SPATA21: variants seen among roughly 807,000 people sequenced by gnomAD.
SPATA21 encodes spermatogenesis associated 21.
SPATA21 carries 47 observed loss-of-function variants against 54.8 expected under a neutral mutation model. The ratio of observed to expected loss-of-function variants is 0.86; its 90% CI spans 0.68 to 1.09. The LOEUF is 1.09. Ranked by LOEUF, SPATA21 falls within the 50% of genes least tolerant of loss-of-function variation. The probability of loss-of-function intolerance (pLI) is 0.00; values close to 1 mark genes in which losing one functional copy is unlikely to be tolerated. For missense variants in SPATA21, 599 were observed against 596.4 expected (o/e 1.00, Z -0.05); for synonymous variants, 245 against 235.3 (o/e 1.04, Z -0.38).
chr1:16,430,806 G>T (rs1449296434), intron 3 of SPATA21, among the ~76,000 whole-genome samples: 1 of 152,204 alleles, frequency 6.6e-6, no homozygotes, highest in Admixed American at 6.5e-5. Context: ...TTGGTTCAAG[G>T]ATGAGCATCT....
chr1:16,404,153 T>TTG, intron 8 of SPATA21, 114 bp from the exon 9 acceptor site: 1 of 835,266 alleles, frequency 1.2e-6, no homozygotes, highest in African/African-American at 1.7e-5. Context: ...AAGCAGTGCA[T>TTG]ACTCAATGCA....
intron 2 of SPATA21, among the ~76,000 whole-genome samples, chr1:16,432,275 C>T (rs2086479544): frequency 6.6e-6 from 1 of 152,024 alleles, no homozygotes; most frequent in Non-Finnish European, 1.5e-5. Flanking sequence ...GCGGCCGCCA[C>T]CATGCCCGGC....
Position 16,409,338 on chromosome 1 carries a change from C to T in SPATA21, c.588-135G>A. On this transcript the variant is annotated intron_variant, in intron 6 of 12. Coordinates refer to ENST00000335496, the MANE Select transcript of SPATA21 (RefSeq NM_198546.1). This position sits in a 1 kb window ranked among gnomAD's most constrained non-coding sequence, Gnocchi z 4.1. ...GGGAGCCCGGAGAGATCAAGAATGG[C>T]AGGAAAAAGGAGATCCAGAGGAGAA... is the stretch of plus-strand genomic sequence containing the variant. The T allele has an allele frequency of 1.0e-6, 1 of 967,896 alleles. No homozygotes were observed. The highest frequency in any genetic ancestry group is 1.5e-6 in the Non-Finnish European group (1 of 649,616). The allele number at this position is 967,896 out of a possible 1,614,324, so 60.0% of individuals were successfully genotyped here. A position where few individuals can be genotyped will look rare whatever the true frequency, so the allele number is the denominator to read the frequency against.
In SPATA21 at chr1:16,421,705, C is replaced by A; in HGVS notation, c.96-148G>T. The A allele has an allele frequency of 2.7e-6, 3 of 1,121,564 alleles. No individual in the cohort carries two copies. In the South Asian group the frequency reaches 4.3e-5, roughly 16 times the overall value. 69.5% of individuals were successfully genotyped at this position (1,121,564 alleles called of 1,614,324 possible). A position where few individuals can be genotyped will look rare whatever the true frequency, so the allele number is the denominator to read the frequency against. On this transcript the variant is annotated intron_variant, in intron 4 of 12. Transcript: ENST00000335496. The surrounding 1 kb of genome is among the most constrained non-coding windows in gnomAD (Gnocchi z 5.2). Reference sequence around the variant, plus strand: ...TCTCAGGGGGCTCCTTATGTCCCCACATCCTCATATATACAGGCTCACGGA... The same window carrying A: ...TCTCAGGGGGCTCCTTATGTCCCCAAATCCTCATATATACAGGCTCACGGA...
chr1:16,406,685 T>C (rs1391137270), intron 7 of SPATA21, among the ~76,000 whole-genome samples: 1 of 152,080 alleles, frequency 6.6e-6, no homozygotes. Context: ...GAGGCTGCAG[T>C]GAGGTAGGAT....
chr1:16,425,689 C>G (rs1421088659), intron 3 of SPATA21: 1 of 1,550,166 alleles, frequency 6.5e-7, no homozygotes, highest in Non-Finnish European at 8.7e-7. Flanking sequence ...CTGCTTGCAG[C>G]TCCTGGGACC....
intron 5 of SPATA21, among the ~76,000 whole-genome samples, chr1:16,418,613 G>T (rs2086083757): frequency 6.6e-6 from 1 of 150,864 alleles, no homozygotes; most frequent in Non-Finnish European, 1.5e-5. Context: ...TGTTTCTCAG[G>T]CTGAAGTGCA....
At chr1:16,435,183 T>C (rs1041081714) in intron 1 of SPATA21, among the ~76,000 whole-genome samples, 7 of 152,052 alleles carry the variant, frequency 4.6e-5, no homozygotes, top group African/African-American at 1.7e-4. Context: ...ATAGCTATCC[T>C]AGTGGATGTG....
At chr1:16,416,660 G>T (rs547570709) in intron 5 of SPATA21, among the ~76,000 whole-genome samples, 1 of 145,742 alleles carries the variant, frequency 6.9e-6, no homozygotes, top group Non-Finnish European at 1.5e-5. Flanking sequence ...CAGCCTGGGC[G>T]ACAGAGAGAG....
chr1:16,416,261 A>G (rs1269845880), intron 5 of SPATA21, among the ~76,000 whole-genome samples: 2 of 152,152 alleles, frequency 1.3e-5, no homozygotes, highest in Non-Finnish European at 2.9e-5. Context: ...GTGTCATTGA[A>G]GTGCTAAGGC....
intron 5 of SPATA21, among the ~76,000 whole-genome samples, chr1:16,418,583 T>C (rs1195047524): frequency 2.6e-5 from 4 of 151,768 alleles, no homozygotes; most frequent in South Asian, 2.1e-4. Flanking sequence ...TTTTTTTTTT[T>C]CCAAGACAGA....
chr1:16,409,103 C>G lies in SPATA21; in HGVS notation c.673+15G>C. The G allele has an allele frequency of 6.2e-7, 1 of 1,613,806 alleles. No homozygotes were observed. Among genetic ancestry groups the G allele is most frequent in the East Asian group, 2.2e-5 (1 of 44,842 alleles). On this transcript the variant is annotated intron_variant, in intron 7 of 12. Transcript: ENST00000335496. The surrounding 1 kb of genome is among the most constrained non-coding windows in gnomAD (Gnocchi z 4.1). ...CCTGCCTGTGCTGGGACCTCCCTGACCTCCCTGCCCTCACCTTCCTCTTGC... is the reference window on the plus strand; with the variant it reads ...CCTGCCTGTGCTGGGACCTCCCTGAGCTCCCTGCCCTCACCTTCCTCTTGC...
At chr1:16,398,302 T>C (rs1358464094), downstream of SPATA21, among the ~76,000 whole-genome samples, 1 of 151,954 alleles carries the variant, frequency 6.6e-6, no homozygotes, top group Non-Finnish European at 1.5e-5. Flanking sequence ...GACCCACCCC[T>C]CTTGGGGCTC....
At chr1:16,403,111 C>T (rs947291590) in intron 10 of SPATA21, among the ~76,000 whole-genome samples, 1 of 152,192 alleles carries the variant, frequency 6.6e-6, no homozygotes, top group African/African-American at 2.4e-5. Flanking sequence ...TCACCTATGG[C>T]TATCTCTTCC....
chr1:16,434,265 A>T (rs772852539), intron 1 of SPATA21, among the ~76,000 whole-genome samples: 22 of 151,754 alleles, frequency 1.4e-4, no homozygotes, highest in African/African-American at 5.3e-4. Context: ...GTAGATAGAA[A>T]TTGAGGTTGT....
At chr1:16,426,582 T>TG (rs1557670789) in intron 3 of SPATA21, among the ~76,000 whole-genome samples, 2 of 123,290 alleles carry the variant, frequency 1.6e-5, no homozygotes, top group African/African-American at 6.7e-5. Context: ...TATATATATT[T>TG]TTTTTTTTTT....
At position 16,421,700 on chromosome 1, in the gene SPATA21, C is replaced by T. The variant is rs563700450; in HGVS notation, c.96-143G>A. The T allele has an allele frequency of 5.7e-5, 63 of 1,115,026 alleles. No individual in the cohort carries two copies. The highest frequency in any genetic ancestry group is 7.3e-5 in the Non-Finnish European group (56 of 769,552). The allele number at this position is 1,115,026 out of a possible 1,614,324, so 69.1% of individuals were successfully genotyped here. A position where few individuals can be genotyped will look rare whatever the true frequency, so the allele number is the denominator to read the frequency against. ...TCTCATCTCAGGGGGCTCCTTATGTCCCCACATCCTCATATATACAGGCTC... is the reference window on the plus strand; with the variant it reads ...TCTCATCTCAGGGGGCTCCTTATGTTCCCACATCCTCATATATACAGGCTC... On this transcript the variant is annotated intron_variant, in intron 4 of 12. Coordinates refer to ENST00000335496, the MANE Select transcript of SPATA21 (RefSeq NM_198546.1). This position sits in a 1 kb window ranked among gnomAD's most constrained non-coding sequence, Gnocchi z 5.2.
At chr1:16,426,285 G>A (rs935247912) in intron 3 of SPATA21, among the ~76,000 whole-genome samples, 3 of 148,068 alleles carry the variant, frequency 2.0e-5, no homozygotes, top group African/African-American at 7.9e-5. Flanking sequence ...TTGAGACAGA[G>A]TCTTGCTCTG....
chr1:16,407,480 G>A (rs2085679152), intron 7 of SPATA21, among the ~76,000 whole-genome samples: 1 of 152,074 alleles, frequency 6.6e-6, no homozygotes, highest in African/African-American at 2.4e-5. Context: ...TTATTTTTGA[G>A]ACGGAGTCTC....
Sources: gnomAD v4.1 joint callset for allele counts (sites outside exome capture counted in the v4.1 genomes callset) on GRCh38, gnomAD v4.1.1 for gene constraint, Gnocchi (gnomAD v3.1) non-coding constraint, MANE v1.5 for transcripts, NCBI Gene and HGNC (gene_info 2026-07-23, HGNC 2026-07-21) for gene names.